PKHD1: variants seen among roughly 807,000 people sequenced by gnomAD.
PKHD1 encodes the protein PKHD1 ciliary IPT domain containing fibrocystin/polyductin.
PKHD1 carries 291 observed loss-of-function variants against 412.0 expected under a neutral mutation model. That is an observed-to-expected ratio of 0.71 (90% CI 0.64 to 0.78). The LOEUF (loss-of-function observed/expected upper bound fraction) is 0.78, where lower values mean the gene tolerates loss of function less well. PKHD1 is among the 30% of genes least tolerant of loss of function. The pLI is 0.00. For synonymous variants in PKHD1, 1,777 were observed against 1,821.5 expected, an observed-to-expected ratio of 0.98 and a Z score of 0.62; for missense variants, 4,825 against 4,950.7, an observed-to-expected ratio of 0.97 and a Z score of 0.76.
Position 52,059,995 on chromosome 6 carries a change from G to A in PKHD1, c.1166C>T (p.Thr389Ile). 6.2e-7 allele frequency: 1 copy of A among 1,611,538 alleles called. No individual in the cohort carries two copies. Among genetic ancestry groups the A allele is most frequent in the Non-Finnish European group, 8.5e-7 (1 of 1,177,640 alleles). ...FFVAPETNNY[T>I]FWIQADSQAS... ...TTGGCTATCTGCCTGAATCCAGAAAGTGTAATTATTTGTCTCTGGAGCCAC... is the reference window on the plus strand; with the variant it reads ...TTGGCTATCTGCCTGAATCCAGAAAATGTAATTATTTGTCTCTGGAGCCAC... Residue 389 changes from threonine to isoleucine, a missense_variant, in exon 15 of 67, where the codon ACT becomes ATT. Transcript: ENST00000371117.
chr6:51,709,547 T>C (rs77138025), intron 60 of PKHD1, among the ~76,000 whole-genome samples: 4,245 of 152,270 alleles, frequency 0.028, 184 homozygotes, highest in African/African-American at 0.094. Flanking sequence ...GAAATGATAG[T>C]GATCTTTGTA....
At chr6:51,690,598 G>C (rs1052808250) in intron 60 of PKHD1, among the ~76,000 whole-genome samples, 1 of 152,094 alleles carries the variant, frequency 6.6e-6, no homozygotes, top group African/African-American at 2.4e-5. Context: ...GGTTCTGGGA[G>C]AACTGGCTAG....
At chr6:52,083,674 C>T (rs76241843) in intron 2 of PKHD1, among the ~76,000 whole-genome samples, 4,700 of 152,198 alleles carry the variant, frequency 0.031, 102 homozygotes, top group Non-Finnish European at 0.047. Context: ...CCATATTTCC[C>T]TGTAAAGATC....
intron 46 of PKHD1, among the ~76,000 whole-genome samples, chr6:51,871,949 G>A (rs1418689118): frequency 1.8e-5 from 1 of 55,290 alleles, no homozygotes; most frequent in Admixed American, 1.5e-4. Flanking sequence ...TATAATTAAT[G>A]GCCTTGGAGA....
intron 48 of PKHD1, among the ~76,000 whole-genome samples, chr6:51,859,054 G>C (rs1171028791): frequency 2.6e-5 from 4 of 152,150 alleles, no homozygotes; most frequent in African/African-American, 4.8e-5. Context: ...AAAATGCTAT[G>C]ATTTCCTTGA....
At chr6:51,966,637 T>A (rs958416097) in intron 35 of PKHD1, among the ~76,000 whole-genome samples, 4 of 152,184 alleles carry the variant, frequency 2.6e-5, no homozygotes, top group Non-Finnish European at 5.9e-5. Context: ...TACAGACTCT[T>A]TTCAGACTAC....
In PKHD1 at chr6:51,721,442, A is replaced by G; in HGVS notation, c.10156+22943T>C. 7 of 687,808 alleles carry G rather than the reference A, an allele frequency of 1.0e-5. No individual in the cohort carries two copies. In the South Asian group the frequency reaches 3.9e-4, roughly 39 times the overall value. 42.6% of individuals were successfully genotyped at this position (687,808 alleles called of 1,614,324 possible). A position where few individuals can be genotyped will look rare whatever the true frequency, so the allele number is the denominator to read the frequency against. On this transcript the variant is annotated intron_variant, in intron 60 of 66. Coordinates refer to ENST00000371117, the MANE Select transcript of PKHD1 (RefSeq NM_138694.4). ...AATAATATCTCAATATAATTGGTAA[A>G]GAAGAGAGAAATAAAATAAGGCTTC...
chr6:51,922,799 G>A (rs1784906120), intron 37 of PKHD1, among the ~76,000 whole-genome samples: 1 of 152,188 alleles, frequency 6.6e-6, no homozygotes, highest in African/African-American at 2.4e-5. Flanking sequence ...CATTGGAAAA[G>A]TGCAGCACTA....
At chr6:51,674,253 T>C (rs1209395069) in intron 60 of PKHD1, among the ~76,000 whole-genome samples, 1 of 152,102 alleles carries the variant, frequency 6.6e-6, no homozygotes, top group East Asian at 1.9e-4. Flanking sequence ...AGGAGAGCTG[T>C]AGGTACAGAT....
In PKHD1 at chr6:51,746,840, A is replaced by C. The variant is rs1785251430; in HGVS notation, c.9879T>G (p.Asp3293Glu). ...TCTCTGCATTTGGTAGAATGCAGAC[A>C]TCCAGGTCATCGCTATAGCAACTCT... Reference protein sequence around the residue: ...FVKSCYSDDLDVCILPNAENS... With the variant: ...FVKSCYSDDLEVCILPNAENS... The change falls in exon 59 of 67, where the codon GAT (aspartate) becomes GAG (glutamate). Residue 3293 changes from aspartate (D) to glutamate (E), a missense_variant. By Grantham distance (45) the Asp-to-Glu change is conservative. Transcript: ENST00000371117. 1 of 1,610,984 alleles carries C rather than the reference A, an allele frequency of 6.2e-7. No homozygotes were observed. The highest frequency in any genetic ancestry group is 1.3e-5 in the African/African-American group (1 of 74,868).
chr6:51,866,207 A>G (rs887311026), intron 48 of PKHD1, among the ~76,000 whole-genome samples: 1 of 152,112 alleles, frequency 6.6e-6, no homozygotes, highest in African/African-American at 2.4e-5. Context: ...TCAGTTGAGT[A>G]TTTGTCCATA....
chr6:51,720,417 C>T (rs772168561), intron 60 of PKHD1, among the ~76,000 whole-genome samples: 32 of 152,200 alleles, frequency 2.1e-4, no homozygotes, highest in Admixed American at 7.2e-4. Flanking sequence ...CACCCTTGTT[C>T]AGTCCCTACA....
At position 51,659,737 on chromosome 6, in the gene PKHD1, T is replaced by TA. The variant is rs772857820; in HGVS notation, c.10388dup (p.Leu3463PhefsTer40). 1 of 1,613,700 alleles carries TA rather than the reference T, an allele frequency of 6.2e-7. No individual in the cohort carries two copies. The highest frequency in any genetic ancestry group is 8.5e-7 in the Non-Finnish European group (1 of 1,179,816). On this transcript the variant is annotated frameshift_variant, in exon 61 of 67. Transcript: ENST00000371117. LOFTEE classifies it high-confidence loss of function. ...AGACTTTGGTGATTTGCCTGATGGG[T>TA]AAGATAGAATAGAAAGTAGACACTG...
chr6:51,974,361 C>T (rs1216031729), intron 35 of PKHD1, among the ~76,000 whole-genome samples: 2 of 152,150 alleles, frequency 1.3e-5, no homozygotes, highest in African/African-American at 2.4e-5. Context: ...TCTGGGCAAA[C>T]CAAAGCAAAC....
intron 35 of PKHD1, among the ~76,000 whole-genome samples, chr6:52,002,474 A>C (rs1798552110): frequency 6.6e-6 from 1 of 152,208 alleles, no homozygotes; most frequent in Admixed American, 6.5e-5. Flanking sequence ...ATACATTTGG[A>C]GCCTCATTTC....
At chr6:51,664,938 A>G (rs1163411613) in intron 60 of PKHD1, among the ~76,000 whole-genome samples, 2 of 152,122 alleles carry the variant, frequency 1.3e-5, no homozygotes, top group African/African-American at 4.8e-5. Context: ...ATTTAAATAA[A>G]GAGTTTCATC....
intron 52 of PKHD1, among the ~76,000 whole-genome samples, chr6:51,822,491 G>T (rs1159096672): frequency 1.3e-5 from 2 of 151,990 alleles, no homozygotes; most frequent in Non-Finnish European, 2.9e-5. Flanking sequence ...ACTTAAATTA[G>T]CATTGCCCTA....
At chr6:51,911,048 C>T (rs764708813) in intron 39 of PKHD1, among the ~76,000 whole-genome samples, 9 of 152,074 alleles carry the variant, frequency 5.9e-5, no homozygotes, top group African/African-American at 9.7e-5. Context: ...ATTAAACTCA[C>T]GATTGCCACT....
intron 65 of PKHD1, 100 bp downstream of exon 65, chr6:51,632,465 A>G: frequency 9.8e-7 from 1 of 1,016,854 alleles, no homozygotes. Flanking sequence ...AAGCTCACAA[A>G]AATTTGTCTT....
Sources: allele counts gnomAD v4.1 joint callset (sites outside exome capture counted in the v4.1 genomes callset), GRCh38; gene constraint gnomAD v4.1.1; transcripts MANE v1.5; gene names NCBI Gene and HGNC (gene_info 2026-07-23, HGNC 2026-07-21).